CACNB2: variants seen among roughly 807,000 people sequenced by gnomAD.
CACNB2 encodes the protein calcium voltage-gated channel auxiliary subunit beta 2, also known as voltage-dependent L-type calcium channel subunit beta-2.
CACNB2 carries 42 observed loss-of-function variants against 73.3 expected under a neutral mutation model. The ratio of observed to expected loss-of-function variants is 0.57; its 90% CI spans 0.45 to 0.74. The LOEUF (loss-of-function observed/expected upper bound fraction) is 0.74. CACNB2 is among the 30% of genes least tolerant of loss of function. The pLI, the probability that CACNB2 is intolerant of heterozygous loss-of-function variation, is 0.00. For missense variants in CACNB2, 940 were observed against 853.0 expected (o/e 1.10, Z -1.27); for synonymous variants, 348 against 310.3 (o/e 1.12, Z -1.28).
intron 2 of CACNB2, among the ~76,000 whole-genome samples, chr10:18,311,386 A>G (rs1758783483): frequency 6.6e-6 from 1 of 152,136 alleles, no homozygotes; most frequent in Non-Finnish European, 1.5e-5. Flanking sequence ...AGGAGTATAG[A>G]CAAACCTTGA....
rs1184109932 is a variant in CACNB2 at position 18,402,063 on chromosome 10, G to A, written c.333+20G>A. ...GCAAAGGTAAAATCGTTTCCTCCCT[G>A]CCAAGATCTTTGCAAGTTGTGCTGT... is the stretch of plus-strand genomic sequence containing the variant. On this transcript the variant is annotated intron_variant, in intron 3 of 13. Coordinates refer to ENST00000324631, the MANE Select transcript of CACNB2 (RefSeq NM_201596.3). The A allele has an allele frequency of 1.9e-6, 3 of 1,612,108 alleles. No homozygotes were observed. Among genetic ancestry groups the A allele is most frequent in the Admixed American group, 3.3e-5 (2 of 60,016 alleles).
intron 12 of CACNB2, 64 bp from the exon 13 acceptor site, chr10:18,538,116 G>A: frequency 6.7e-7 from 1 of 1,491,298 alleles, no homozygotes; most frequent in Non-Finnish European, 9.4e-7. Context: ...CTCCTCTTAT[G>A]GAGGTGGGAA....
chr10:18,184,239 T>C (rs1564325570), intron 2 of CACNB2, among the ~76,000 whole-genome samples: 1 of 152,232 alleles, frequency 6.6e-6, no homozygotes, highest in Non-Finnish European at 1.5e-5. Flanking sequence ...ACAGGACTTC[T>C]TGAGATGATG....
Position 18,370,435 on chromosome 10 carries a change from C to A in CACNB2, c.214-31489C>A, listed in dbSNP as rs143641549. ...GCCTCAGCCTCCCCAGTAGCTGGAA[C>A]CACAGACATGCACCACCATGCCCGG... On this transcript the variant is annotated intron_variant, in intron 2 of 13. Transcript: ENST00000324631. 2.4e-3 allele frequency among the ~76,000 whole-genome samples: 370 copies of A among 152,308 alleles called. 3 individuals are homozygous for A. The highest frequency in any genetic ancestry group is 8.3e-3 in the African/African-American group (347 of 41,574).
At chr10:18,154,231 T>G (rs1232888908) in intron 2 of CACNB2, among the ~76,000 whole-genome samples, 1 of 151,942 alleles carries the variant, frequency 6.6e-6, no homozygotes, top group East Asian at 1.9e-4. Context: ...ATACCAAGAT[T>G]TAAAAGTTTT....
intron 2 of CACNB2, among the ~76,000 whole-genome samples, chr10:18,333,715 T>A (rs2040892927): frequency 6.6e-6 from 1 of 152,202 alleles, no homozygotes; most frequent in Non-Finnish European, 1.5e-5. Context: ...CATAGCATGG[T>A]CTTGTATAAT....
rs144276965 is a variant in CACNB2, at chr10:18,426,305, G to T, written c.333+24262G>T. Among the ~76,000 whole-genome samples the T allele has an allele frequency of 5.7e-4, 87 of 152,156 alleles. No homozygotes were observed. In the East Asian group the frequency reaches 8.9e-3, roughly 16 times the overall value. On this transcript the variant is annotated intron_variant, in intron 3 of 13. Transcript: ENST00000324631. ...ATGTCTTAGAATATTTTCGATAAAG[G>T]TCATATATTTTTTAGATTTGTTTCT...
chr10:18,497,493 C>T (rs1371379501), intron 3 of CACNB2, among the ~76,000 whole-genome samples: 5 of 152,060 alleles, frequency 3.3e-5, no homozygotes, highest in African/African-American at 1.2e-4. Flanking sequence ...GATCATGGCT[C>T]ACTGCAGCAT....
chr10:18,513,494 CCTT>C, intron 6 of CACNB2: 1 of 309,700 alleles, frequency 3.2e-6, no homozygotes, highest in Admixed American at 3.3e-5. Flanking sequence ...TCCCTCGTCT[CCTT>C]TGCAAAGCTT....
chr10:18,296,687 A>G (rs558651896), intron 2 of CACNB2, among the ~76,000 whole-genome samples: 19 of 152,340 alleles, frequency 1.2e-4, no homozygotes, highest in Middle Eastern at 3.4e-3. Context: ...CTTACAGGGT[A>G]CTTAGAGATT....
chr10:18,220,726 G>A (rs139958501), intron 2 of CACNB2, among the ~76,000 whole-genome samples: 2 of 152,256 alleles, frequency 1.3e-5, no homozygotes, highest in African/African-American at 4.8e-5. Flanking sequence ...ATCAGCAGCA[G>A]CATCAGATTC....
At chr10:18,148,802 C>G (rs979308503) in intron 1 of CACNB2, among the ~76,000 whole-genome samples, 8 of 152,098 alleles carry the variant, frequency 5.3e-5, no homozygotes, top group Non-Finnish European at 1.0e-4. Flanking sequence ...CAAGACCAGC[C>G]TAGGCAACAT....
intron 2 of CACNB2, among the ~76,000 whole-genome samples, chr10:18,346,708 C>T (rs2041472420): frequency 6.6e-6 from 1 of 151,132 alleles, no homozygotes; most frequent in African/African-American, 2.4e-5. Context: ...GCCATCATCC[C>T]ATCTCAGCCT....
intron 2 of CACNB2, among the ~76,000 whole-genome samples, chr10:18,321,950 C>T (rs1053495666): frequency 2.0e-5 from 3 of 152,058 alleles, no homozygotes; most frequent in African/African-American, 7.2e-5. Context: ...GCCAAGAGTT[C>T]AAGACCAGCC....
At chr10:18,428,909 G>A (rs940015213) in intron 3 of CACNB2, among the ~76,000 whole-genome samples, 1 of 151,990 alleles carries the variant, frequency 6.6e-6, no homozygotes, top group Non-Finnish European at 1.5e-5. Context: ...CAATAATTTG[G>A]TTTTATGTTT....
chr10:18,366,627 T>G (rs963861352), intron 2 of CACNB2, among the ~76,000 whole-genome samples: 1 of 151,754 alleles, frequency 6.6e-6, no homozygotes, highest in Admixed American at 6.6e-5. Context: ...GTGAATCACT[T>G]AAGGTCAGGA....
At chr10:18,472,221 C>CTTT (rs200348808) in intron 3 of CACNB2, among the ~76,000 whole-genome samples, 172 of 119,314 alleles carry the variant, frequency 1.4e-3, no homozygotes, top group East Asian at 2.4e-3. Context: ...CACTTTTCTT[C>CTTT]TTTTTTTTTT....
chr10:18,424,934 G>A (rs986385082), intron 3 of CACNB2, among the ~76,000 whole-genome samples: 1 of 152,180 alleles, frequency 6.6e-6, no homozygotes, highest in Admixed American at 6.5e-5. Flanking sequence ...GTCTCCTGAT[G>A]CATGTGTGCA....
chr10:18,371,667 G>T (rs1445096590), intron 2 of CACNB2, among the ~76,000 whole-genome samples: 3 of 152,148 alleles, frequency 2.0e-5, no homozygotes, highest in African/African-American at 7.2e-5. Flanking sequence ...AAACATACAT[G>T]TGCATGTGTC....
Sources: gnomAD v4.1 joint callset for allele counts (sites outside exome capture counted in the v4.1 genomes callset) on GRCh38, gnomAD v4.1.1 for gene constraint, MANE v1.5 for transcripts, NCBI Gene and HGNC (gene_info 2026-07-23, HGNC 2026-07-21) for gene names.